Variants in ERC2 observed in about 807,000 individuals in gnomAD.
ERC2 encodes the protein ERC protein 2.
A neutral mutation model predicts 114.8 loss-of-function variants in ERC2; 42 were observed. The observed-to-expected ratio is 0.37, with a 90% CI of 0.29 to 0.47. The LOEUF is 0.47. Among genes scored for constraint, ERC2 ranks in the 20% least tolerant of loss-of-function variants. The probability of loss-of-function intolerance (pLI) is 0.99; values close to 1 mark genes in which losing one functional copy is unlikely to be tolerated. For synonymous variants in ERC2, 454 were observed against 425.5 expected, an observed-to-expected ratio of 1.07 and a Z score of -0.82; for missense variants, 939 against 1,150.7, an observed-to-expected ratio of 0.82 and a Z score of 2.66.
intron 2 of ERC2, among the ~76,000 whole-genome samples, chr3:56,348,950 AG>A (rs2058438925): frequency 7.2e-6 from 1 of 138,708 alleles, no homozygotes; most frequent in Non-Finnish European, 1.6e-5. Flanking sequence ...GAAGGAAGGA[AG>A]GAAGGAAAGA....
At chr3:55,744,922 C>T (rs1016240679) in intron 14 of ERC2, among the ~76,000 whole-genome samples, 4 of 152,158 alleles carry the variant, frequency 2.6e-5, no homozygotes, top group Admixed American at 2.6e-4. Context: ...CTGAGATGAC[C>T]ACACAAGAAA....
At chr3:55,924,959 T>C (rs1000781655) in intron 13 of ERC2, among the ~76,000 whole-genome samples, 7 of 152,202 alleles carry the variant, frequency 4.6e-5, no homozygotes, top group African/African-American at 9.6e-5. Context: ...CAGAGAATTA[T>C]ATCCTCACAT....
chr3:56,341,940 C>T (rs2058104327), intron 2 of ERC2, among the ~76,000 whole-genome samples: 1 of 152,194 alleles, frequency 6.6e-6, no homozygotes, highest in Admixed American at 6.5e-5. Context: ...TGCTGCCCAC[C>T]AAGCCAGACA....
At chr3:55,638,358 C>A (rs1052057619) in intron 17 of ERC2, among the ~76,000 whole-genome samples, 2 of 152,158 alleles carry the variant, frequency 1.3e-5, no homozygotes, top group Non-Finnish European at 2.9e-5. Flanking sequence ...ATGTCGAGTT[C>A]TTTCTTGGTG....
rs149721674 is a variant in ERC2, at chr3:55,760,743, A to T, written c.2565-25825T>A. Among the ~76,000 whole-genome samples the T allele has an allele frequency of 2.2e-3, 335 of 152,328 alleles. 1 individual carries two copies. The highest frequency in any genetic ancestry group is 7.6e-3 in the African/African-American group (317 of 41,578). On this transcript the variant is annotated intron_variant, in intron 14 of 17. Transcript: ENST00000288221. The stretch of plus-strand genomic sequence containing the variant: ...GTGGTTCAGTGCACGTGAACACGCC[A>T]TGTACAAATAACGCTCAGATAAAAT...
intron 4 of ERC2, among the ~76,000 whole-genome samples, chr3:56,160,908 A>T (rs1214806077): frequency 6.6e-6 from 1 of 152,180 alleles, no homozygotes; most frequent in Non-Finnish European, 1.5e-5. Context: ...ACATCGGGTA[A>T]TATGATGCCT....
intron 7 of ERC2, among the ~76,000 whole-genome samples, chr3:56,027,667 G>C (rs2074127030): frequency 6.6e-6 from 1 of 151,882 alleles, no homozygotes; most frequent in South Asian, 2.1e-4. Context: ...TAAGTTTTTT[G>C]TTTTACTATT....
intron 1 of ERC2, among the ~76,000 whole-genome samples, chr3:56,451,099 G>A (rs770481996): frequency 6.6e-6 from 1 of 152,002 alleles, no homozygotes; most frequent in African/African-American, 2.4e-5. Context: ...AATTGGCAAA[G>A]CTTCAGTTAT....
chr3:56,061,399 C>T (rs567055790), intron 7 of ERC2, among the ~76,000 whole-genome samples: 1 of 152,200 alleles, frequency 6.6e-6, no homozygotes, highest in Non-Finnish European at 1.5e-5. Flanking sequence ...CTAGACTAGT[C>T]TGCATGCTGA....
At chr3:55,977,850 T>G (rs567353349) in intron 12 of ERC2, among the ~76,000 whole-genome samples, 2 of 152,190 alleles carry the variant, frequency 1.3e-5, no homozygotes, top group East Asian at 3.9e-4. Flanking sequence ...ACAGACTCAA[T>G]TAAATAGTAT....
intron 7 of ERC2, among the ~76,000 whole-genome samples, chr3:56,053,737 C>G (rs1192710883): frequency 6.6e-6 from 1 of 151,840 alleles, no homozygotes; most frequent in African/African-American, 2.4e-5. Context: ...AACATGTGTA[C>G]TATGAAAATT....
intron 2 of ERC2, among the ~76,000 whole-genome samples, chr3:56,368,185 T>TAAA (rs71294729): frequency 0.022 from 3,043 of 137,698 alleles, 96 homozygotes; most frequent in African/African-American, 0.078. Context: ...CTTTTTTTTT[T>TAAA]AAAAAAAAAA....
chr3:56,271,999 C>T (rs1197993630), intron 3 of ERC2, among the ~76,000 whole-genome samples: 1 of 152,052 alleles, frequency 6.6e-6, no homozygotes, highest in African/African-American at 2.4e-5. Flanking sequence ...CTACCATTGT[C>T]CATCATCATT....
At chr3:56,166,828 T>G (rs1009996933) in intron 4 of ERC2, among the ~76,000 whole-genome samples, 1 of 152,094 alleles carries the variant, frequency 6.6e-6, no homozygotes, top group Non-Finnish European at 1.5e-5. Flanking sequence ...GTGAATCTCT[T>G]CAAAAAAACA....
At chr3:55,555,154 A>G (rs1237919765) in intron 17 of ERC2, among the ~76,000 whole-genome samples, 1 of 152,222 alleles carries the variant, frequency 6.6e-6, no homozygotes, top group Non-Finnish European at 1.5e-5. Context: ...AAGGACCATA[A>G]AGGGCATTTG....
intron 7 of ERC2, among the ~76,000 whole-genome samples, chr3:56,079,193 A>G (rs191014401): frequency 2.3e-3 from 356 of 152,290 alleles, no homozygotes; most frequent in Middle Eastern, 6.8e-3. Flanking sequence ...CATTTACCTG[A>G]TATGTCCAAA....
In ERC2 at chr3:56,027,803, G is replaced by T. The variant is rs573018940; in HGVS notation, c.1642-8772C>A. ...TTAACAGGTCTTTCACAGAACAAAA[G>T]GTCCAATTTATCAGTCTTTCCTTTC... is the stretch of plus-strand genomic sequence containing the variant. On this transcript the variant is annotated intron_variant, in intron 7 of 17. Coordinates refer to ENST00000288221, the MANE Select transcript of ERC2 (RefSeq NM_015576.3). 2.6e-5 allele frequency among the ~76,000 whole-genome samples: 4 copies of T among 152,118 alleles called. No individual in the cohort carries two copies. The South Asian group carries it at 8.3e-4, about 32-fold the overall frequency.
chr3:56,015,244 G>C (rs1031878084), intron 8 of ERC2, among the ~76,000 whole-genome samples: 4 of 152,078 alleles, frequency 2.6e-5, no homozygotes, highest in African/African-American at 9.7e-5. Flanking sequence ...ACATGTGCAC[G>C]ATGTGTAGGT....
chr3:56,341,197 T>A (rs2058077367), intron 2 of ERC2, among the ~76,000 whole-genome samples: 1 of 152,230 alleles, frequency 6.6e-6, no homozygotes, highest in South Asian at 2.1e-4. Context: ...TATTGGAGAC[T>A]GTCTCCTTCC....
Sources: gnomAD v4.1 joint callset for allele counts (sites outside exome capture counted in the v4.1 genomes callset) on GRCh38, gnomAD v4.1.1 for gene constraint, MANE v1.5 for transcripts, NCBI Gene and HGNC (gene_info 2026-07-23, HGNC 2026-07-21) for gene names.